The following FAM193A variants were observed in gnomAD, a reference collection of about 807,000 sequenced individuals.
The protein encoded by FAM193A is family with sequence similarity 193 member A.
A neutral mutation model predicts 126.5 loss-of-function variants in FAM193A; 22 were observed. The ratio of observed to expected loss-of-function variants is 0.17; its 90% CI spans 0.12 to 0.25. FAM193A has a LOEUF of 0.25. FAM193A is among the 10% of genes least tolerant of loss of function. The probability of loss-of-function intolerance (pLI) is 1.00; values close to 1 mark genes in which losing one functional copy is unlikely to be tolerated. For synonymous variants in FAM193A, 761 were observed against 646.8 expected, an observed-to-expected ratio of 1.18 and a Z score of -2.68; for missense variants, 1,675 against 1,672.8, an observed-to-expected ratio of 1.00 and a Z score of -0.02.
chr4:2,596,373 C>T (rs1740864752), intron 2 of FAM193A, 44 bp downstream of exon 2: 2 of 688,828 alleles, frequency 2.9e-6, no homozygotes, highest in South Asian at 3.0e-5. Flanking sequence ...TTGGCTCCCC[C>T]CGCCCAGGTT....
At position 2,536,801 on chromosome 4, in the gene FAM193A, C is replaced by A. The variant is rs913362640; in HGVS notation, c.-115C>A. 1 of 147,942 alleles carries A rather than the reference C, an allele frequency of 6.8e-6. No individual in the cohort carries two copies. Among genetic ancestry groups the A allele is most frequent in the Non-Finnish European group, 1.5e-5 (1 of 66,072 alleles). The allele number at this position is 147,942 out of a possible 1,614,324, so 9.2% of individuals were successfully genotyped here. The stretch of plus-strand genomic sequence containing the variant: ...ACCCGGACGCGACCCCGCGCAGCGC[C>A]CCCCGGCTGGCCGGAGCGCCCGCCG... On this transcript the variant is annotated 5_prime_UTR_variant, in exon 1 of 21. Coordinates refer to ENST00000637812, the MANE Select transcript of FAM193A (RefSeq NM_001366318.2).
intron 19 of FAM193A, among the ~76,000 whole-genome samples, chr4:2,702,491 T>C (rs1717843735): frequency 6.6e-6 from 1 of 152,210 alleles, no homozygotes; most frequent in Non-Finnish European, 1.5e-5. Context: ...ATGGCATTGC[T>C]TTTAGGCCCT....
intron 19 of FAM193A, among the ~76,000 whole-genome samples, chr4:2,706,287 C>G (rs915874782): frequency 4.2e-5 from 5 of 120,370 alleles, no homozygotes; most frequent in African/African-American, 1.5e-4. Flanking sequence ...AAATTTCTTT[C>G]TTTCTTTTTT....
intron 13 of FAM193A, among the ~76,000 whole-genome samples, chr4:2,682,323 G>T (rs1049160596): frequency 2.0e-5 from 3 of 152,076 alleles, no homozygotes; most frequent in Non-Finnish European, 4.4e-5. Context: ...ATGTATAGTT[G>T]TGTTTGTTTG....
At chr4:2,559,667 C>G (rs970401345) in intron 1 of FAM193A, among the ~76,000 whole-genome samples, 6 of 152,200 alleles carry the variant, frequency 3.9e-5, no homozygotes, top group African/African-American at 1.4e-4. Flanking sequence ...TGAACACACT[C>G]TGCTGCTTCC....
intron 5 of FAM193A, among the ~76,000 whole-genome samples, chr4:2,635,637 A>T (rs1161674243): frequency 1.3e-5 from 2 of 152,260 alleles, no homozygotes; most frequent in East Asian, 1.9e-4. Flanking sequence ...AGTTCAAGCG[A>T]TTCTCCTGCC....
intron 1 of FAM193A, among the ~76,000 whole-genome samples, chr4:2,555,570 G>A (rs990342554): frequency 6.6e-6 from 1 of 152,178 alleles, no homozygotes; most frequent in African/African-American, 2.4e-5. Context: ...CTTGAGCCCG[G>A]GATTTTGAGA....
intron 19 of FAM193A, among the ~76,000 whole-genome samples, chr4:2,714,713 G>A (rs1351467466): frequency 1.3e-5 from 2 of 152,196 alleles, no homozygotes; most frequent in African/African-American, 4.8e-5. Flanking sequence ...TATTATGCGA[G>A]TAAAACGTGC....
intron 2 of FAM193A, among the ~76,000 whole-genome samples, chr4:2,597,291 A>G (rs995316600): frequency 6.6e-6 from 1 of 152,222 alleles, no homozygotes; most frequent in Non-Finnish European, 1.5e-5. Flanking sequence ...CTTCTTCATT[A>G]GAATATAAAC....
At chr4:2,663,483 A>T (rs76673060) in intron 12 of FAM193A, among the ~76,000 whole-genome samples, 195 bp downstream of exon 12, 4,879 of 152,262 alleles carry the variant, frequency 0.032, 96 homozygotes, top group South Asian at 0.075. Flanking sequence ...TGATTTCGCA[A>T]CACCCCATAG....
chr4:2,730,396 A>G (rs1721235124), intron 20 of FAM193A, among the ~76,000 whole-genome samples: 1 of 152,174 alleles, frequency 6.6e-6, no homozygotes, highest in Non-Finnish European at 1.5e-5. Flanking sequence ...GCTTTCTATA[A>G]AAGCTTCTTG....
chr4:2,708,493 A>T (rs1322486631), intron 19 of FAM193A, among the ~76,000 whole-genome samples: 2 of 150,684 alleles, frequency 1.3e-5, no homozygotes, highest in Admixed American at 6.6e-5. Flanking sequence ...ATGGAGTTTC[A>T]TTCTTGTCGC....
In FAM193A at chr4:2,732,320, T is replaced by C; in HGVS notation, c.*452T>C. ...GGCAGGCCTCCTTTGTTCTCCACAA[T>C]CTACTGTCTCCGAGTGTACACGTTG... On this transcript the variant is annotated 3_prime_UTR_variant, in exon 21 of 21. Transcript: ENST00000637812. 1 of 209,342 alleles carries C rather than the reference T, an allele frequency of 4.8e-6. No homozygotes were observed. The highest frequency in any genetic ancestry group is 9.8e-6 in the Non-Finnish European group (1 of 101,808). 13.0% of individuals were successfully genotyped at this position (209,342 alleles called of 1,614,324 possible).
At chr4:2,580,687 C>T (rs1452228534) in intron 1 of FAM193A, among the ~76,000 whole-genome samples, 3 of 152,226 alleles carry the variant, frequency 2.0e-5, no homozygotes, top group Non-Finnish European at 4.4e-5. Context: ...GCTCCTCACT[C>T]TCTTGCCATG....
intron 2 of FAM193A, among the ~76,000 whole-genome samples, chr4:2,624,769 T>C (rs934672314): frequency 2.0e-5 from 3 of 152,236 alleles, no homozygotes; most frequent in Non-Finnish European, 2.9e-5. Flanking sequence ...CTCAAACGTC[T>C]GGGCTCAAGT....
chr4:2,604,445 A>G (rs1246705556), intron 2 of FAM193A, among the ~76,000 whole-genome samples: 1 of 152,060 alleles, frequency 6.6e-6, no homozygotes, highest in African/African-American at 2.4e-5. Context: ...TCCTACTATG[A>G]ATGTGTCTTT....
At chr4:2,640,459 G>T (rs938785907) in intron 6 of FAM193A, among the ~76,000 whole-genome samples, 1 of 152,172 alleles carries the variant, frequency 6.6e-6, no homozygotes, top group Admixed American at 6.5e-5. Flanking sequence ...GCATGTGTTT[G>T]CCCTGTGGTA....
At chr4:2,637,344 C>T (rs558331889) in intron 5 of FAM193A, among the ~76,000 whole-genome samples, 5 of 152,168 alleles carry the variant, frequency 3.3e-5, no homozygotes, top group East Asian at 1.9e-4. Context: ...TGACCAATCA[C>T]TCAATATTTT....
chr4:2,537,163 A>C lies in FAM193A; in HGVS notation c.248A>C (p.Tyr83Ser). 1 of 187,500 alleles carries C rather than the reference A, an allele frequency of 5.3e-6. No individual in the cohort carries two copies. The highest frequency in any genetic ancestry group is 1.1e-5 in the Non-Finnish European group (1 of 91,060). 11.6% of individuals were successfully genotyped at this position (187,500 alleles called of 1,614,324 possible). ...ASAGGAAPGG[Y>S]FETPFSFGMN... ...GCGGGCGGCGCCGCCCCCGGAGGCT[A>C]CTTCGAGGTAAGCGGCGGCAGCGGG... The change falls in exon 1 of 21, where the codon TAC becomes TCC. Residue 83 changes from tyrosine to serine, a missense_variant. This residue lies in a region of FAM193A where 1,186 missense variants were observed against 1,109.2 expected (regional missense o/e 1.07). Coordinates refer to ENST00000637812, the MANE Select transcript of FAM193A (RefSeq NM_001366318.2).
Sources: allele counts gnomAD v4.1 joint callset (sites outside exome capture counted in the v4.1 genomes callset), GRCh38; gene constraint gnomAD v4.1.1; regional missense constraint gnomAD v4.1.1; transcripts MANE v1.5; gene names NCBI Gene and HGNC (gene_info 2026-07-23, HGNC 2026-07-21).